ARL3: variants seen among roughly 807,000 people sequenced by gnomAD.
ARL3 encodes ARF like GTPase 3.
A neutral mutation model predicts 26.0 loss-of-function variants in ARL3; 9 were observed. The ratio of observed to expected loss-of-function variants is 0.35; its 90% CI spans 0.21 to 0.60. ARL3 has a LOEUF of 0.60. Ranked by LOEUF, ARL3 falls within the 20% of genes least tolerant of loss-of-function variation. The pLI, the probability that ARL3 is intolerant of heterozygous loss-of-function variation, is 0.78. For missense variants in ARL3, 158 were observed against 215.7 expected (o/e 0.73, Z 1.67); for synonymous variants, 71 against 78.4 (o/e 0.91, Z 0.50).
chr10:102,692,158 T>C (rs2064221573), intron 3 of ARL3, among the ~76,000 whole-genome samples: 1 of 152,212 alleles, frequency 6.6e-6, no homozygotes, highest in African/African-American at 2.4e-5. Context: ...TACAACCAAC[T>C]TGCAGTCTGC....
At chr10:102,702,329 G>A (rs760657627) in intron 2 of ARL3, among the ~76,000 whole-genome samples, 17 of 151,990 alleles carry the variant, frequency 1.1e-4, no homozygotes, top group Non-Finnish European at 2.4e-4. Context: ...GTGAACAGTG[G>A]TATGTCTGAC....
At chr10:102,686,080 T>G in intron 4 of ARL3, 79 bp from the exon 5 acceptor site, 1 of 1,319,254 alleles carries the variant, frequency 7.6e-7, no homozygotes, top group Non-Finnish European at 1.0e-6. Context: ...ACTTTTTTTT[T>G]TTTTTTTTTG....
At position 102,676,557 on chromosome 10, in the gene ARL3, GA is replaced by G. The variant is rs1210619245; in HGVS notation, c.*336del. 5 of 166,708 alleles carry G rather than the reference GA, an allele frequency of 3.0e-5. No homozygotes were observed. Among genetic ancestry groups the G allele is most frequent in the Admixed American group, 6.5e-5 (1 of 15,454 alleles). The allele number at this position is 166,708 out of a possible 1,614,324, so 10.3% of individuals were successfully genotyped here. On this transcript the variant is annotated 3_prime_UTR_variant, in exon 6 of 6. Coordinates refer to ENST00000260746, the MANE Select transcript of ARL3 (RefSeq NM_004311.4). ...CTTTTTCTTTTTTTTTTTTTGAGAG[GA>G]AAAAAAAGCCCACTGGAATTGTCTA...
chr10:102,699,706 G>T (rs556409383), intron 2 of ARL3, among the ~76,000 whole-genome samples: 1 of 152,118 alleles, frequency 6.6e-6, no homozygotes, highest in Middle Eastern at 3.2e-3. Context: ...ATAATGTCAG[G>T]CTAACACAAT....
intron 2 of ARL3, among the ~76,000 whole-genome samples, chr10:102,700,611 C>A (rs2064275018): frequency 7.2e-6 from 1 of 139,282 alleles, no homozygotes; most frequent in South Asian, 2.4e-4. Context: ...ATTACAGGCG[C>A]CTGCCACCAC....
At chr10:102,709,068 C>T (rs190273662) in intron 1 of ARL3, among the ~76,000 whole-genome samples, 1 of 151,114 alleles carries the variant, frequency 6.6e-6, no homozygotes, top group African/African-American at 2.4e-5. Context: ...CCGCACCCAG[C>T]TAATTTTGTG....
intron 4 of ARL3, among the ~76,000 whole-genome samples, chr10:102,688,836 T>A (rs2064201736): frequency 6.6e-6 from 1 of 152,142 alleles, no homozygotes; most frequent in Non-Finnish European, 1.5e-5. Context: ...TCCTTTCAGA[T>A]TTGTCAAAGT....
In ARL3 at chr10:102,685,864, T is replaced by C. The variant is rs748084188; in HGVS notation, c.453A>G (p.Arg151=). 6.2e-7 allele frequency: 1 copy of C among 1,613,970 alleles called. No individual in the cohort carries two copies. The highest frequency in any genetic ancestry group is 1.7e-5 in the Admixed American group (1 of 59,990). Residue 151 remains arginine (R), a synonymous_variant, in exon 5 of 6, where the codon CGA becomes CGG. Coordinates refer to ENST00000260746, the MANE Select transcript of ARL3 (RefSeq NM_004311.4). ...CTGAGCAAGACTGGATCTGCCAGAC[T>C]CGGTCGCGGATGGTATGCAGGTTCA... The part of the protein sequence containing the change: ...EGLNLHTIRD[R]VWQIQSCSAL...
At chr10:102,692,160 G>A (rs1039362214) in intron 3 of ARL3, among the ~76,000 whole-genome samples, 2 of 152,184 alleles carry the variant, frequency 1.3e-5, no homozygotes, top group Non-Finnish European at 2.9e-5. Context: ...CAACCAACTT[G>A]CAGTCTGCCC....
chr10:102,701,486 C>T (rs1028293330), intron 2 of ARL3, among the ~76,000 whole-genome samples: 1 of 152,166 alleles, frequency 6.6e-6, no homozygotes, highest in Non-Finnish European at 1.5e-5. Context: ...TTCTCTAACA[C>T]GCCAATGACT....
At chr10:102,689,334 G>GA (rs991403428) in intron 4 of ARL3, among the ~76,000 whole-genome samples, 3 of 150,186 alleles carry the variant, frequency 2.0e-5, no homozygotes, top group South Asian at 4.2e-4. Context: ...TTGGAGGGGG[G>GA]AAAAAAAAAC....
chr10:102,690,886 CTTTT>C (rs754286740), intron 3 of ARL3, among the ~76,000 whole-genome samples: 6 of 134,590 alleles, frequency 4.5e-5, no homozygotes, highest in Middle Eastern at 4.0e-3. Flanking sequence ...TTTCAAACCT[CTTTT>C]TTTTTTTTTT....
At position 102,689,917 on chromosome 10, in the gene ARL3, T is replaced by C; in HGVS notation, c.291A>G (p.Arg97=). The change falls in exon 4 of 6, where the codon AGA becomes AGG. Residue 97 remains arginine, a synonymous_variant. Transcript: ENST00000260746. The part of the protein sequence containing the change: ...ILIYVIDSAD[R]KRFEETGQEL... ...CCTGACCCGTCTCTTCAAATCTTTT[T>C]CTGTCTGCACTGTCGATTACATATA... 1 of 1,598,928 alleles carries C rather than the reference T, an allele frequency of 6.3e-7. No individual in the cohort carries two copies. Among genetic ancestry groups the C allele is most frequent in the Admixed American group, 1.7e-5 (1 of 58,882 alleles).
chr10:102,711,916 C>T (rs1452961205), intron 1 of ARL3, among the ~76,000 whole-genome samples: 6 of 151,976 alleles, frequency 3.9e-5, no homozygotes, highest in African/African-American at 1.5e-4. Context: ...TAATTTTTCA[C>T]GGGCCATTTT....
intron 1 of ARL3, among the ~76,000 whole-genome samples, chr10:102,706,092 A>T (rs2064310095): frequency 3.9e-5 from 6 of 152,192 alleles, no homozygotes; most frequent in Admixed American, 3.3e-4. Context: ...GTATCAAAAC[A>T]TCTCATGTAC....
intron 1 of ARL3, among the ~76,000 whole-genome samples, chr10:102,714,029 G>C (rs2064365413): frequency 6.6e-6 from 1 of 152,170 alleles, no homozygotes; most frequent in African/African-American, 2.4e-5. Context: ...CGCGCACTCT[G>C]CCAGCCCCTT....
chr10:102,714,228 G>A (rs751796047), intron 1 of ARL3, 45 bp downstream of exon 1: 4 of 1,313,382 alleles, frequency 3.0e-6, no homozygotes, highest in African/African-American at 3.0e-5. Flanking sequence ...GGACGGGAGG[G>A]GGATAACCGG....
Position 102,714,381 on chromosome 10 carries a change from GA to G in ARL3, c.-107del. 8.6e-7 allele frequency: 1 copy of G among 1,162,334 alleles called. No homozygotes were observed. Among genetic ancestry groups the G allele is most frequent in the Non-Finnish European group, 1.1e-6 (1 of 906,842 alleles). The allele number at this position is 1,162,334 out of a possible 1,614,324, so 72.0% of individuals were successfully genotyped here. On this transcript the variant is annotated 5_prime_UTR_variant, in exon 1 of 6. Transcript: ENST00000260746. ...GACGTCCCTCGCACGCACAGCTGAG[GA>G]GCTGAGCAGCAATACGGGGCGGGGT...
intron 4 of ARL3, among the ~76,000 whole-genome samples, chr10:102,688,694 G>C (rs1380943804): frequency 6.6e-6 from 1 of 151,834 alleles, no homozygotes; most frequent in Admixed American, 6.6e-5. Flanking sequence ...GTAGAGACAG[G>C]GTTTCACTGT....
Sources: gnomAD v4.1 joint callset for allele counts (sites outside exome capture counted in the v4.1 genomes callset) on GRCh38, gnomAD v4.1.1 for gene constraint, MANE v1.5 for transcripts, NCBI Gene and HGNC (gene_info 2026-07-23, HGNC 2026-07-21) for gene names.